The following PRLR variants were observed in gnomAD, a reference collection of about 807,000 sequenced individuals.
PRLR encodes hPRL receptor.
PRLR carries 13 observed loss-of-function variants against 40.2 expected under a neutral mutation model. The observed-to-expected ratio is 0.32, with a 90% confidence interval of 0.21 to 0.51. PRLR has a LOEUF of 0.51. Among genes scored for constraint, PRLR ranks in the 20% least tolerant of loss-of-function variants. The probability of loss-of-function intolerance (pLI) is 0.97; values close to 1 mark genes in which losing one functional copy is unlikely to be tolerated. For synonymous variants in PRLR, 269 were observed against 278.7 expected (o/e 0.97, Z 0.35); for missense variants, 656 against 747.3 (o/e 0.88, Z 1.42).
At chr5:35,105,890 T>A (rs1772210913) in intron 2 of PRLR, among the ~76,000 whole-genome samples, 1 of 152,046 alleles carries the variant, frequency 6.6e-6, no homozygotes, top group Admixed American at 6.5e-5. Flanking sequence ...ACAAAGATAC[T>A]CCTCGAGAAG....
At chr5:35,102,139 C>A (rs1000210293) in intron 2 of PRLR, among the ~76,000 whole-genome samples, 1 of 151,848 alleles carries the variant, frequency 6.6e-6, no homozygotes, top group African/African-American at 2.4e-5. Flanking sequence ...AACTTTTAAT[C>A]TATTGGGTGC....
At chr5:35,156,140 CAA>C (rs74414532) in intron 1 of PRLR, among the ~76,000 whole-genome samples, 1 of 134,616 alleles carries the variant, frequency 7.4e-6, no homozygotes, top group Admixed American at 7.3e-5. Flanking sequence ...AAAAAAAAAA[CAA>C]AAAAAAAAAC....
downstream of PRLR, among the ~76,000 whole-genome samples, chr5:35,053,319 T>G (rs772186183): frequency 1.2e-4 from 18 of 152,200 alleles, no homozygotes; most frequent in Non-Finnish European, 2.2e-4. Context: ...AGAATGTTAA[T>G]TAGAGTTCAG....
In PRLR at chr5:35,068,932, A is replaced by C. The variant is rs1579569785; in HGVS notation, c.686-54T>G. 1.3e-5 allele frequency: 17 copies of C among 1,330,160 alleles called. No homozygotes were observed. In the East Asian group the frequency reaches 4.0e-4, roughly 31 times the overall value. The allele number at this position is 1,330,160 out of a possible 1,614,324, so 82.4% of individuals were successfully genotyped here. On this transcript the variant is annotated intron_variant, in intron 7 of 9. Transcript: ENST00000618457. Reference sequence around the variant, plus strand: ...ATCACGTACAGCATCATTAAAAACAAACCAACCTAATGAATGAAACTCTTA... The same window carrying C: ...ATCACGTACAGCATCATTAAAAACACACCAACCTAATGAATGAAACTCTTA...
intron 1 of PRLR, among the ~76,000 whole-genome samples, chr5:35,199,558 C>T (rs560636902): frequency 2.8e-5 from 4 of 144,008 alleles, no homozygotes; most frequent in South Asian, 2.3e-4. Flanking sequence ...TTTAAAAACA[C>T]GTCATTCTTC....
At chr5:35,145,321 GT>G (rs1363718942) in intron 1 of PRLR, among the ~76,000 whole-genome samples, 1 of 152,124 alleles carries the variant, frequency 6.6e-6, no homozygotes, top group Admixed American at 6.5e-5. Context: ...TCTCTCCAGG[GT>G]CTGCTCCTCC....
chr5:35,068,418 A>G (rs983853990), intron 8 of PRLR, 133 bp from the exon 9 acceptor site: 7 of 739,562 alleles, frequency 9.5e-6, no homozygotes, highest in Non-Finnish European at 1.4e-5. Context: ...GAAACAATCA[A>G]TGATGAAAAT....
intron 1 of PRLR, among the ~76,000 whole-genome samples, chr5:35,151,816 G>T (rs1245852890): frequency 6.6e-6 from 1 of 152,188 alleles, no homozygotes; most frequent in African/African-American, 2.4e-5. Context: ...TCACAGCTGA[G>T]AACCCAGACA....
intron 1 of PRLR, among the ~76,000 whole-genome samples, chr5:35,204,669 C>G (rs1484168142): frequency 6.6e-6 from 1 of 152,082 alleles, no homozygotes; most frequent in African/African-American, 2.4e-5. Context: ...TTTAAACAAC[C>G]TGGAAGAATC....
intron 5 of PRLR, among the ~76,000 whole-genome samples, chr5:35,076,296 A>G (rs1485609329): frequency 1.3e-5 from 2 of 152,214 alleles, no homozygotes; most frequent in Admixed American, 1.3e-4. Context: ...TAAAAACCTC[A>G]AAAAAGATTA....
intron 1 of PRLR, among the ~76,000 whole-genome samples, chr5:35,145,220 GT>G (rs1774148731): frequency 6.6e-6 from 1 of 152,140 alleles, no homozygotes; most frequent in South Asian, 2.1e-4. Context: ...ATACCCATCT[GT>G]TTTTTCTATA....
chr5:35,126,704 A>G (rs1475018029), intron 1 of PRLR, among the ~76,000 whole-genome samples: 1 of 152,122 alleles, frequency 6.6e-6, no homozygotes, highest in African/African-American at 2.4e-5. Flanking sequence ...GGAAATATCT[A>G]TTGCTACCTT....
At chr5:35,158,601 G>A (rs977026321) in intron 1 of PRLR, among the ~76,000 whole-genome samples, 2 of 152,096 alleles carry the variant, frequency 1.3e-5, no homozygotes, top group African/African-American at 4.8e-5. Flanking sequence ...GTGAATATGT[G>A]CCCCTTGCTG....
downstream of PRLR, among the ~76,000 whole-genome samples, chr5:35,053,735 A>G (rs1310589509): frequency 1.3e-5 from 2 of 152,232 alleles, no homozygotes; most frequent in Non-Finnish European, 2.9e-5. Flanking sequence ...TAAAGATGTA[A>G]CTTCTGGCAT....
At chr5:35,048,973 C>T (rs778372614) in exon 9 of PRLR, 14 of 403,760 alleles carry the variant, frequency 3.5e-5, no homozygotes, top group Admixed American at 1.2e-4. Context: ...TTGGCCACAT[C>T]CTTCACAAAC....
intron 2 of PRLR, among the ~76,000 whole-genome samples, chr5:35,115,683 G>A (rs1772973338): frequency 1.3e-5 from 2 of 151,792 alleles, no homozygotes; most frequent in South Asian, 4.2e-4. Flanking sequence ...CAGGGCTCTT[G>A]CAAAAGAATC....
At chr5:35,191,511 G>A (rs1163349940) in intron 1 of PRLR, among the ~76,000 whole-genome samples, 5 of 152,198 alleles carry the variant, frequency 3.3e-5, no homozygotes, top group Non-Finnish European at 5.9e-5. Flanking sequence ...AGCGTCCTAA[G>A]TGTTCTCCAT....
At chr5:35,102,928 C>T (rs1218164840) in intron 2 of PRLR, among the ~76,000 whole-genome samples, 3 of 152,160 alleles carry the variant, frequency 2.0e-5, no homozygotes, top group Non-Finnish European at 4.4e-5. Context: ...TTCTAGATCA[C>T]TCAAGATAGT....
chr5:35,128,587 G>A (rs1340099446), intron 1 of PRLR, among the ~76,000 whole-genome samples: 1 of 151,800 alleles, frequency 6.6e-6, no homozygotes, highest in Admixed American at 6.6e-5. Context: ...AATACAAAGG[G>A]CTGGCTGTAC....
Sources: gnomAD v4.1 joint callset for allele counts (sites outside exome capture counted in the v4.1 genomes callset) on GRCh38, gnomAD v4.1.1 for gene constraint, MANE v1.5 for transcripts, NCBI Gene and HGNC (gene_info 2026-07-23, HGNC 2026-07-21) for gene names.